TSPAN9: variants seen among roughly 807,000 people sequenced by gnomAD.
TSPAN9 encodes tetraspanin 9, also known as tetraspanin-9.
A neutral mutation model predicts 31.0 loss-of-function variants in TSPAN9; 16 were observed. That is an observed-to-expected ratio of 0.52 (90% confidence interval 0.35 to 0.78). The LOEUF (loss-of-function observed/expected upper bound fraction) is 0.78, where lower values mean the gene tolerates loss of function less well. Ranked by LOEUF, TSPAN9 falls within the 30% of genes least tolerant of loss-of-function variation. TSPAN9 has a pLI of 0.01. For missense variants in TSPAN9, 272 were observed against 312.5 expected (o/e 0.87, Z 0.98); for synonymous variants, 145 against 121.6 (o/e 1.19, Z -1.27).
chr12:3,253,866 T>C (rs1862298625), intron 3 of TSPAN9, among the ~76,000 whole-genome samples: 1 of 152,178 alleles, frequency 6.6e-6, no homozygotes, highest in Non-Finnish European at 1.5e-5. Flanking sequence ...GCAGCACCTG[T>C]GGATGTTTGG....
At chr12:3,210,768 G>A (rs1335381041) in intron 3 of TSPAN9, among the ~76,000 whole-genome samples, 1 of 147,000 alleles carries the variant, frequency 6.8e-6, no homozygotes, top group Admixed American at 6.9e-5. Context: ...TTTTGAGGCA[G>A]GGTCTCACTC....
intron 2 of TSPAN9, among the ~76,000 whole-genome samples, chr12:3,105,563 C>A (rs1042937823): frequency 6.6e-5 from 10 of 151,798 alleles, no homozygotes; most frequent in African/African-American, 2.2e-4. Context: ...AGGGAAGAGG[C>A]GAGCTGAGCG....
intron 2 of TSPAN9, among the ~76,000 whole-genome samples, chr12:3,174,936 G>A (rs746817006): frequency 1.9e-4 from 29 of 151,834 alleles, no homozygotes; most frequent in Non-Finnish European, 3.5e-4. Flanking sequence ...TGATTTGGTA[G>A]TGTGAGAAGG....
At position 3,281,865 on chromosome 12, in the gene TSPAN9, C is replaced by T. The variant is rs567979867; in HGVS notation, c.648+48C>T. 371 of 1,598,736 alleles carry T rather than the reference C, an allele frequency of 2.3e-4. No homozygotes were observed. In the African/African-American group the frequency reaches 4.6e-3, roughly 20 times the overall value. ...CCTCACCCACCCTGCTGGCCTCAGC[C>T]TCAGAGGGAAGGAAGCACAGAGAAG... On this transcript the variant is annotated intron_variant, in intron 8 of 8. Transcript: ENST00000011898.
intron 2 of TSPAN9, among the ~76,000 whole-genome samples, chr12:3,165,006 G>C (rs1274030293): frequency 6.6e-6 from 1 of 152,202 alleles, no homozygotes; most frequent in Non-Finnish European, 1.5e-5. Flanking sequence ...TCCTTTGGTT[G>C]GGAGGAAAGA....
chr12:3,217,558 G>T (rs2098382002), intron 3 of TSPAN9, among the ~76,000 whole-genome samples: 1 of 152,186 alleles, frequency 6.6e-6, no homozygotes, highest in Non-Finnish European at 1.5e-5. Context: ...TCTTGGAGAG[G>T]AGGAAGTTGA....
chr12:3,281,154 G>A (rs546333748), intron 6 of TSPAN9, 44 bp from the exon 7 acceptor site: 218 of 1,549,076 alleles, frequency 1.4e-4, no homozygotes, highest in Non-Finnish European at 1.8e-4. Context: ...AGGAAGGGGC[G>A]GGCCATGGCA....
intron 3 of TSPAN9, among the ~76,000 whole-genome samples, chr12:3,249,946 T>C (rs1419867044): frequency 1.3e-5 from 2 of 152,232 alleles, no homozygotes; most frequent in Non-Finnish European, 2.9e-5. Context: ...AGGATTTCAT[T>C]TTAAATCCCT....
chr12:3,198,678 AC>A (rs1384579678), intron 2 of TSPAN9, among the ~76,000 whole-genome samples: 3 of 88,118 alleles, frequency 3.4e-5, no homozygotes, highest in Admixed American at 1.2e-4. Context: ...AGCACAGGCC[AC>A]CACCAGCACA....
At chr12:3,219,952 C>T (rs2098383463) in intron 3 of TSPAN9, among the ~76,000 whole-genome samples, 1 of 151,494 alleles carries the variant, frequency 6.6e-6, no homozygotes, top group Admixed American at 6.6e-5. Context: ...GTCAGGAGTT[C>T]GAGACTAGCC....
At chr12:3,102,707 G>A (rs1050162223) in intron 2 of TSPAN9, among the ~76,000 whole-genome samples, 1 of 152,256 alleles carries the variant, frequency 6.6e-6, no homozygotes, top group African/African-American at 2.4e-5. Flanking sequence ...AAAGTGCTGG[G>A]ATTACAGGCG....
intron 3 of TSPAN9, among the ~76,000 whole-genome samples, chr12:3,203,037 T>C (rs1274227362): frequency 3.3e-5 from 5 of 152,202 alleles, no homozygotes; most frequent in Non-Finnish European, 7.3e-5. Context: ...CCATTCTTTT[T>C]TGTAGTCTCA....
In TSPAN9 at chr12:3,268,269, G is replaced by GCC. The variant is rs574506349; in HGVS notation, c.64-10150_64-10149dup. Among the ~76,000 whole-genome samples the GCC allele has an allele frequency of 6.8e-5, 9 of 131,440 alleles. No homozygotes were observed. The East Asian group carries it at 2.1e-3, about 31-fold the overall frequency. 86.2% of individuals were successfully genotyped at this position (131,440 alleles called of 152,430 possible). A position where few individuals can be genotyped will look rare whatever the true frequency, so the allele number is the denominator to read the frequency against. Reference sequence around the variant, plus strand: ...TGCCCTCTGTGCATTCCTGCAGCCTGCCCTCTCTGTTCCTGCAGCCTGCCC... The same window carrying GCC: ...TGCCCTCTGTGCATTCCTGCAGCCTGCCCCCTCTCTGTTCCTGCAGCCTGCCC... On this transcript the variant is annotated intron_variant, in intron 3 of 8. Coordinates refer to ENST00000011898, the MANE Select transcript of TSPAN9 (RefSeq NM_006675.5).
In TSPAN9 at chr12:3,221,940, C is replaced by T. The variant is rs562516401; in HGVS notation, c.63+20684C>T. Reference sequence around the variant, plus strand: ...GATTGGTATAAGCCACCGTGCCCAGCCTAAAGAGAAGTTTTAAAGATACCT... The same window carrying T: ...GATTGGTATAAGCCACCGTGCCCAGTCTAAAGAGAAGTTTTAAAGATACCT... On this transcript the variant is annotated intron_variant, in intron 3 of 8. Coordinates refer to ENST00000011898, the MANE Select transcript of TSPAN9 (RefSeq NM_006675.5). Among the ~76,000 whole-genome samples the T allele has an allele frequency of 5.9e-5, 9 of 152,310 alleles. No homozygotes were observed. The South Asian group carries it at 1.9e-3, about 32-fold the overall frequency.
At chr12:3,275,053 A>G (rs1862758061) in intron 3 of TSPAN9, among the ~76,000 whole-genome samples, 1 of 152,250 alleles carries the variant, frequency 6.6e-6, no homozygotes, top group Non-Finnish European at 1.5e-5. Flanking sequence ...CCTGAGAGGT[A>G]GAAGGCTCCC....
At chr12:3,100,870 A>G (rs2098311572) in intron 2 of TSPAN9, among the ~76,000 whole-genome samples, 1 of 152,226 alleles carries the variant, frequency 6.6e-6, no homozygotes, top group East Asian at 1.9e-4. Flanking sequence ...CCTTGTACCT[A>G]GCTCAGTGCT....
intron 3 of TSPAN9, among the ~76,000 whole-genome samples, chr12:3,217,257 C>A (rs1489153476): frequency 1.3e-5 from 2 of 152,180 alleles, no homozygotes; most frequent in Non-Finnish European, 2.9e-5. Context: ...TGAGGTGTAG[C>A]ATCCTGGGGT....
intron 2 of TSPAN9, among the ~76,000 whole-genome samples, chr12:3,131,979 G>A (rs1454393135): frequency 6.6e-6 from 1 of 152,068 alleles, no homozygotes; most frequent in Non-Finnish European, 1.5e-5. Context: ...TCTATCTGTG[G>A]ATTTGCCTCT....
chr12:3,122,142 T>C (rs2098325410), intron 2 of TSPAN9, among the ~76,000 whole-genome samples: 1 of 152,024 alleles, frequency 6.6e-6, no homozygotes, highest in Admixed American at 6.5e-5. Context: ...GAGACCATCC[T>C]AGCTAACACA....
Sources: gnomAD v4.1 joint callset for allele counts (sites outside exome capture counted in the v4.1 genomes callset) on GRCh38, gnomAD v4.1.1 for gene constraint, MANE v1.5 for transcripts, NCBI Gene and HGNC (gene_info 2026-07-23, HGNC 2026-07-21) for gene names.